Variants in UBE2F observed in about 807,000 individuals in gnomAD.
The protein encoded by UBE2F is NEDD8-conjugating enzyme UBE2F.
In UBE2F, 5 loss-of-function variants were observed where a neutral mutation model predicts 29.6. That is an observed-to-expected ratio of 0.17 (90% CI 0.09 to 0.36). The LOEUF (loss-of-function observed/expected upper bound fraction) is 0.36, where lower values mean the gene tolerates loss of function less well. UBE2F is among the 10% of genes least tolerant of loss of function. UBE2F has a pLI of 1.00. For missense variants in UBE2F, 141 were observed against 228.5 expected, an observed-to-expected ratio of 0.62 and a Z score of 2.47; for synonymous variants, 66 against 81.8, an observed-to-expected ratio of 0.81 and a Z score of 1.04.
rs1305789187 is a variant in UBE2F at position 237,967,902 on chromosome 2, G to GC, written c.-17+770_-17+771insC. 3.2e-4 allele frequency among the ~76,000 whole-genome samples: 49 copies of GC among 152,128 alleles called. No individual in the cohort carries two copies. Among genetic ancestry groups the GC allele is most frequent in the African/African-American group, 1.2e-3 (48 of 41,488 alleles). On this transcript the variant is annotated intron_variant, in intron 1 of 9. Transcript: ENST00000272930. The surrounding 1 kb of genome is among the most constrained non-coding windows in gnomAD (Gnocchi z 6.3). The stretch of plus-strand genomic sequence containing the variant: ...CTCATCTGTCACAGGAGAGAATTGG[G>GC]TCCCCCCACTCTGCATTCCCGACCG...
At chr2:237,989,039 A>G (rs920602467) in intron 3 of UBE2F, among the ~76,000 whole-genome samples, 2 of 152,346 alleles carry the variant, frequency 1.3e-5, no homozygotes, top group South Asian at 4.1e-4. Context: ...GATTATTTCA[A>G]AAGATCATTA....
chr2:238,037,749 G>A (rs201566159), intron 9 of UBE2F, among the ~76,000 whole-genome samples: 5,240 of 152,226 alleles, frequency 0.034, 280 homozygotes, highest in East Asian at 0.19. Flanking sequence ...GGGACTGTGG[G>A]CATGCGCCAC....
chr2:238,007,860 T>C (rs2063939950), intron 4 of UBE2F, among the ~76,000 whole-genome samples: 1 of 152,228 alleles, frequency 6.6e-6, no homozygotes, highest in African/African-American at 2.4e-5. Context: ...ATGAGTTGCC[T>C]AATTTTGGTG....
intron 4 of UBE2F, among the ~76,000 whole-genome samples, chr2:238,003,764 G>A (rs1002396776): frequency 6.6e-6 from 1 of 152,050 alleles, no homozygotes; most frequent in Admixed American, 6.5e-5. Context: ...ATCATGTTTA[G>A]TGGGCTATAA....
At chr2:238,031,715 C>A (rs889598557) in intron 7 of UBE2F, among the ~76,000 whole-genome samples, 2 of 152,128 alleles carry the variant, frequency 1.3e-5, no homozygotes, top group African/African-American at 4.8e-5. Context: ...AATCTCTGAT[C>A]CTTGAATTGT....
At chr2:238,001,117 C>T (rs2106362207) in intron 4 of UBE2F, among the ~76,000 whole-genome samples, 1 of 148,774 alleles carries the variant, frequency 6.7e-6, no homozygotes, top group African/African-American at 2.4e-5. Context: ...TCACCGCAAC[C>T]TCCGCTTCCT....
At chr2:237,985,638 T>C (rs2063466249) in intron 2 of UBE2F, among the ~76,000 whole-genome samples, 1 of 152,274 alleles carries the variant, frequency 6.6e-6, no homozygotes, top group South Asian at 2.1e-4. Flanking sequence ...TTGCCTATTG[T>C]GAATAATAGT....
At chr2:237,996,537 C>T (rs1368930258) in intron 4 of UBE2F, among the ~76,000 whole-genome samples, 1 of 150,752 alleles carries the variant, frequency 6.6e-6, no homozygotes, top group Non-Finnish European at 1.5e-5. Context: ...TGCAGTGACG[C>T]AATCTCGGGC....
chr2:237,990,483 GTC>G lies in UBE2F; in HGVS notation c.148+2494_148+2495del, dbSNP rs200652373. On this transcript the variant is annotated intron_variant, in intron 3 of 9. Transcript: ENST00000272930. ...AGTGGCATGAGTGTGGCTCACTGCA[GTC>G]TCAACCTCCTGGGCTCAAGTGATCT... The G allele has an allele frequency of 1.1e-3, 478 of 428,946 alleles. 5 individuals carry two copies. The East Asian group carries it at 0.015, about 14-fold the overall frequency. The allele number at this position is 428,946 out of a possible 1,614,324, so 26.6% of individuals were successfully genotyped here.
Position 237,967,217 on chromosome 2 carries a change from G to GGGCGGT in UBE2F, c.-17+91_-17+96dup. The GGGCGGT allele has an allele frequency of 2.2e-6, 2 of 927,766 alleles. No homozygotes were observed. The highest frequency in any genetic ancestry group is 2.6e-6 in the Non-Finnish European group (2 of 774,012). The allele number at this position is 927,766 out of a possible 1,614,324, so 57.5% of individuals were successfully genotyped here. On this transcript the variant is annotated intron_variant, in intron 1 of 9. Transcript: ENST00000272930. The surrounding 1 kb of genome is among the most constrained non-coding windows in gnomAD (Gnocchi z 6.3). Reference sequence around the variant, plus strand: ...GGCCTGCGGGCCGGGCGGAGGGCGCGGGCGGTGGCGGGGCCGCCTCGGGCC... The same window carrying GGGCGGT: ...GGCCTGCGGGCCGGGCGGAGGGCGCGGGCGGTGGCGGTGGCGGGGCCGCCTCGGGCC...
At chr2:238,005,604 G>GT (rs2063883862) in intron 4 of UBE2F, among the ~76,000 whole-genome samples, 6 of 47,118 alleles carry the variant, frequency 1.3e-4, no homozygotes, top group African/African-American at 5.7e-4. Flanking sequence ...GTAGTTTTCT[G>GT]GTTTTTTTTT....
chr2:238,022,175 C>CTTTTTTTTTT lies in UBE2F; in HGVS notation c.283-3165_283-3156dup, dbSNP rs1162304454. 3.0e-4 allele frequency among the ~76,000 whole-genome samples: 19 copies of CTTTTTTTTTT among 63,340 alleles called. 2 individuals are homozygous for CTTTTTTTTTT. Among genetic ancestry groups the CTTTTTTTTTT allele is most frequent in the Admixed American group, 9.2e-4 (5 of 5,434 alleles). 41.6% of individuals were successfully genotyped at this position (63,340 alleles called of 152,430 possible). On this transcript the variant is annotated intron_variant, in intron 5 of 9. Transcript: ENST00000272930. ...ATTTCTTTTTCTTTTCTTTTCTTTT[C>CTTTTTTTTTT]TTTTTTTTTTTGGAGACAGAGTCTT...
At chr2:238,031,245 G>T (rs1269467946) in intron 7 of UBE2F, among the ~76,000 whole-genome samples, 1 of 152,186 alleles carries the variant, frequency 6.6e-6, no homozygotes, top group African/African-American at 2.4e-5. Context: ...TCTGCAGGTC[G>T]TGCCTCTACC....
At chr2:238,020,558 G>C (rs372475364) in intron 5 of UBE2F, among the ~76,000 whole-genome samples, 1 of 152,180 alleles carries the variant, frequency 6.6e-6, no homozygotes, top group African/African-American at 2.4e-5. Context: ...TGCAGTGAAG[G>C]TCTGTTATTA....
At chr2:237,976,938 G>A (rs1232494471) in intron 2 of UBE2F, among the ~76,000 whole-genome samples, 2 of 152,138 alleles carry the variant, frequency 1.3e-5, no homozygotes, top group South Asian at 4.1e-4. Flanking sequence ...ACTGGGGTAG[G>A]ACAGGCTCTG....
At chr2:237,994,584 A>G (rs1303333639) in intron 3 of UBE2F, among the ~76,000 whole-genome samples, 160 bp from the exon 4 acceptor site, 1 of 152,248 alleles carries the variant, frequency 6.6e-6, no homozygotes, top group African/African-American at 2.4e-5. Flanking sequence ...GAGTATTGGC[A>G]CGATTATTAT....
Position 237,987,852 on chromosome 2 carries a change from C to CATTTTTT in UBE2F, c.119-111_119-110insATTTTTT, listed in dbSNP as rs59213280. 4.8e-3 allele frequency: 2,476 copies of CATTTTTT among 519,720 alleles called. 142 individuals carry two copies. Among genetic ancestry groups the CATTTTTT allele is most frequent in the African/African-American group, 0.046 (2,154 of 46,446 alleles). 32.2% of individuals were successfully genotyped at this position (519,720 alleles called of 1,614,324 possible). The stretch of plus-strand genomic sequence containing the variant: ...TAGACCAGGTTTTATTCAGTTCATC[C>CATTTTTT]TTTTTTTTTTTTTTTTGATTCAGTG... On this transcript the variant is annotated intron_variant, in intron 2 of 9. Transcript: ENST00000272930.
At position 238,022,175 on chromosome 2, in the gene UBE2F, C is replaced by CTTTTTTTTTTTTTTTTTTT. The variant is rs1162304454; in HGVS notation, c.283-3156_283-3155insTTTTTTTTTTTTTTTTTTT. On this transcript the variant is annotated intron_variant, in intron 5 of 9. Transcript: ENST00000272930. ...ATTTCTTTTTCTTTTCTTTTCTTTT[C>CTTTTTTTTTTTTTTTTTTT]TTTTTTTTTTTGGAGACAGAGTCTT... Among the ~76,000 whole-genome samples the CTTTTTTTTTTTTTTTTTTT allele has an allele frequency of 1.3e-3, 84 of 63,308 alleles. 5 individuals are homozygous for CTTTTTTTTTTTTTTTTTTT. The highest frequency in any genetic ancestry group is 2.8e-3 in the African/African-American group (68 of 23,994). The allele number at this position is 63,308 out of a possible 152,430, so 41.5% of individuals were successfully genotyped here.
intron 5 of UBE2F, among the ~76,000 whole-genome samples, chr2:238,024,965 A>G (rs186773564): frequency 6.6e-5 from 10 of 152,360 alleles, no homozygotes; most frequent in African/African-American, 9.6e-5. Context: ...TTGGACCCAG[A>G]GGATGTAGAA....
Sources: gnomAD v4.1 joint callset for allele counts (sites outside exome capture counted in the v4.1 genomes callset) on GRCh38, gnomAD v4.1.1 for gene constraint, Gnocchi (gnomAD v3.1) non-coding constraint, MANE v1.5 for transcripts, NCBI Gene and HGNC (gene_info 2026-07-23, HGNC 2026-07-21) for gene names.